The following SOX5 variants were observed in gnomAD, a reference collection of about 807,000 sequenced individuals.
The protein encoded by SOX5 is SRY-box transcription factor 5.
SOX5 carries 9 observed loss-of-function variants against 92.0 expected under a neutral mutation model. That is an observed-to-expected ratio of 0.10 (90% CI 0.06 to 0.17). SOX5 has a LOEUF of 0.17. Ranked by LOEUF, SOX5 falls within the 10% of genes least tolerant of loss-of-function variation. The pLI, the probability that SOX5 is intolerant of heterozygous loss-of-function variation, is 1.00. For synonymous variants in SOX5, 344 were observed against 336.3 expected (o/e 1.02, Z -0.25); for missense variants, 642 against 944.5 (o/e 0.68, Z 4.20).
At chr12:23,794,115 GT>G (rs2095522397) in intron 3 of SOX5, among the ~76,000 whole-genome samples, 1 of 152,030 alleles carries the variant, frequency 6.6e-6, no homozygotes, top group Non-Finnish European at 1.5e-5. Flanking sequence ...TATTTTAAAA[GT>G]TTTATCTAGA....
intron 6 of SOX5, among the ~76,000 whole-genome samples, chr12:23,681,126 G>A (rs2086558237): frequency 6.6e-6 from 1 of 152,004 alleles, no homozygotes; most frequent in Non-Finnish European, 1.5e-5. Flanking sequence ...ATATTAGCAT[G>A]TAAAACAAGA....
chr12:24,246,500 T>C (rs1938758121), intron 3 of SOX5, among the ~76,000 whole-genome samples: 1 of 152,118 alleles, frequency 6.6e-6, no homozygotes. Flanking sequence ...TTATCAACTT[T>C]TTTTTTTTAA....
intron 1 of SOX5, among the ~76,000 whole-genome samples, chr12:24,448,883 AT>A (rs1346960774): frequency 1.3e-5 from 2 of 152,060 alleles, no homozygotes; most frequent in Non-Finnish European, 2.9e-5. Context: ...TTCCATCTTA[AT>A]GTGTCCAAAA....
At chr12:24,021,953 C>A (rs1954341156) in intron 4 of SOX5, among the ~76,000 whole-genome samples, 1 of 152,184 alleles carries the variant, frequency 6.6e-6, no homozygotes, top group Non-Finnish European at 1.5e-5. Context: ...ATTATTTTCT[C>A]ATGTATATTA....
intron 1 of SOX5, among the ~76,000 whole-genome samples, chr12:23,948,845 C>T (rs981812527): frequency 2.4e-4 from 36 of 152,038 alleles, no homozygotes; most frequent in African/African-American, 8.5e-4. Flanking sequence ...AACTTAATTA[C>T]AAATACACTA....
At chr12:24,295,188 ATATG>A (rs1056639890) in intron 2 of SOX5, among the ~76,000 whole-genome samples, 1 of 152,182 alleles carries the variant, frequency 6.6e-6, no homozygotes, top group African/African-American at 2.4e-5. Context: ...ACATAAGTAT[ATATG>A]AGAAAGAGCA....
At chr12:24,265,256 A>C (rs932460093) in intron 3 of SOX5, among the ~76,000 whole-genome samples, 1 of 152,220 alleles carries the variant, frequency 6.6e-6, no homozygotes, top group African/African-American at 2.4e-5. Flanking sequence ...CTGTCATTAG[A>C]AATAATATGG....
intron 4 of SOX5, among the ~76,000 whole-genome samples, chr12:23,963,586 G>A (rs1454597568): frequency 1.3e-5 from 2 of 152,000 alleles, no homozygotes; most frequent in Non-Finnish European, 2.9e-5. Flanking sequence ...AGAGCATTCA[G>A]GGATATTATC....
chr12:23,716,712 T>G (rs2092522700), intron 6 of SOX5, among the ~76,000 whole-genome samples: 2 of 152,224 alleles, frequency 1.3e-5, no homozygotes, highest in Non-Finnish European at 2.9e-5. Context: ...TGTATTTAAT[T>G]TTTTATCTTA....
At chr12:23,975,983 A>C (rs537800164) in intron 4 of SOX5, among the ~76,000 whole-genome samples, 8 of 152,286 alleles carry the variant, frequency 5.3e-5, no homozygotes, top group African/African-American at 1.9e-4. Context: ...AATATAATTC[A>C]TTTTAGCTAT....
In SOX5 at chr12:23,653,356, T is replaced by C. The variant is rs558764332; in HGVS notation, c.931+12088A>G. On this transcript the variant is annotated intron_variant, in intron 7 of 14. Coordinates refer to ENST00000451604, the MANE Select transcript of SOX5 (RefSeq NM_006940.6). ...CAGCCCAATCACTTCTTCGATTGTA[T>C]AGCTGCCTTTATCCTTTAGGTTGAC... Among the ~76,000 whole-genome samples, 4 of 152,100 alleles carry C rather than the reference T, an allele frequency of 2.6e-5. No individual in the cohort carries two copies. In the East Asian group the frequency reaches 5.8e-4, roughly 22 times the overall value.
At chr12:24,397,876 G>A (rs1960451501) in intron 1 of SOX5, among the ~76,000 whole-genome samples, 1 of 151,474 alleles carries the variant, frequency 6.6e-6, no homozygotes. Flanking sequence ...TTGAGACAGA[G>A]TCTTGCTGTG....
chr12:24,306,261 C>T (rs956607515), intron 2 of SOX5, among the ~76,000 whole-genome samples: 2 of 152,168 alleles, frequency 1.3e-5, no homozygotes, highest in Non-Finnish European at 2.9e-5. Context: ...ACCGCCAGCT[C>T]TGATCTGGAG....
intron 2 of SOX5, chr12:24,368,338 A>G (rs1317996592): frequency 1.3e-5 from 2 of 152,208 alleles, no homozygotes; most frequent in Admixed American, 1.3e-4. Context: ...CTGCCCTATT[A>G]CTACAGAATC....
At chr12:23,756,099 C>T (rs2094363595) in intron 3 of SOX5, among the ~76,000 whole-genome samples, 1 of 151,662 alleles carries the variant, frequency 6.6e-6, no homozygotes, top group African/African-American at 2.4e-5. Context: ...TAAAAAAAGG[C>T]AAAGAATTAG....
At position 24,271,982 on chromosome 12, in the gene SOX5, A is replaced by ACAAAC. The variant is rs71448003; in HGVS notation, c.-77+5233_-77+5234insGTTTG. On this transcript the variant is annotated intron_variant, in intron 3 of 4. Coordinates refer to the SOX5 transcript ENST00000446891. ...TTGTGACATTTCACACACACACACA[A>ACAAAC]ACACACACACACACACAATGTACAG... Among the ~76,000 whole-genome samples the ACAAAC allele has an allele frequency of 2.0e-5, 3 of 150,520 alleles. No homozygotes were observed. The South Asian group carries it at 6.3e-4, about 32-fold the overall frequency.
At chr12:24,071,565 G>GC (rs1941783313) in intron 4 of SOX5, among the ~76,000 whole-genome samples, 1 of 141,490 alleles carries the variant, frequency 7.1e-6, no homozygotes, top group African/African-American at 2.5e-5. Flanking sequence ...CTCCTGAGTA[G>GC]CTGGGATACA....
At chr12:24,102,055 C>A (rs1946153167) in intron 4 of SOX5, among the ~76,000 whole-genome samples, 2 of 152,156 alleles carry the variant, frequency 1.3e-5, no homozygotes, top group African/African-American at 4.8e-5. Flanking sequence ...CAATGAGGTT[C>A]CAAATCTCCA....
chr12:24,107,073 T>C (rs527287698), intron 4 of SOX5, among the ~76,000 whole-genome samples: 2 of 152,202 alleles, frequency 1.3e-5, no homozygotes, highest in South Asian at 4.1e-4. Flanking sequence ...CATTTCATCA[T>C]TTATACTATT....
Sources: gnomAD v4.1 joint callset for allele counts (sites outside exome capture counted in the v4.1 genomes callset) on GRCh38, gnomAD v4.1.1 for gene constraint, MANE v1.5 for transcripts, NCBI Gene and HGNC (gene_info 2026-07-23, HGNC 2026-07-21) for gene names.